HIGD1A: variants seen among roughly 807,000 people sequenced by gnomAD.
The protein encoded by HIGD1A is HIG1 hypoxia inducible domain family member 1A, also known as HIG1 domain family member 1A, mitochondrial.
In HIGD1A, 8 loss-of-function variants were observed where a neutral mutation model predicts 11.3. That is an observed-to-expected ratio of 0.71 (90% CI 0.42 to 1.28). The LOEUF (loss-of-function observed/expected upper bound fraction) is 1.28. Among genes scored for constraint, HIGD1A ranks in the 50% most tolerant of loss-of-function variants. The pLI is 0.01. For missense variants in HIGD1A, 107 were observed against 118.8 expected (o/e 0.90, Z 0.46); for synonymous variants, 32 against 38.4 (o/e 0.83, Z 0.62).
chr3:42,802,555 ACTGT>A (rs1188203036), intron 1 of HIGD1A, among the ~76,000 whole-genome samples: 4 of 152,244 alleles, frequency 2.6e-5, no homozygotes, highest in Non-Finnish European at 4.4e-5. Context: ...AATTTTGATA[ACTGT>A]CTAATTACCA....
At chr3:42,794,612 A>G (rs1700471772) in intron 1 of HIGD1A, among the ~76,000 whole-genome samples, 1 of 152,198 alleles carries the variant, frequency 6.6e-6, no homozygotes. Flanking sequence ...GGCTATCTTC[A>G]TCCTTAATCA....
At chr3:42,800,380 CT>C (rs1700541721) in intron 1 of HIGD1A, among the ~76,000 whole-genome samples, 1 of 151,788 alleles carries the variant, frequency 6.6e-6, no homozygotes, top group Non-Finnish European at 1.5e-5. Flanking sequence ...AAAACATGAC[CT>C]TCTCAAAGGG....
rs191947252 is a variant in HIGD1A at position 42,784,601 on chromosome 3, A to G, written c.*670T>C. The G allele has an allele frequency of 3.9e-5, 6 of 152,768 alleles. No individual in the cohort carries two copies. Among genetic ancestry groups the G allele is most frequent in the Admixed American group, 3.3e-4 (5 of 15,306 alleles). The allele number at this position is 152,768 out of a possible 1,614,324, so 9.5% of individuals were successfully genotyped here. On this transcript the variant is annotated 3_prime_UTR_variant, in exon 4 of 4. Coordinates refer to ENST00000321331, the MANE Select transcript of HIGD1A (RefSeq NM_014056.4). ...ATACATATTTCTATTTCAAGATGAC[A>G]TTTAAAAATTATTCTAATATATCAG...
intron 1 of HIGD1A, among the ~76,000 whole-genome samples, chr3:42,796,170 T>C (rs1273657276): frequency 6.6e-6 from 1 of 152,158 alleles, no homozygotes. Context: ...GTTTAGAAAG[T>C]GAATTCATCC....
At chr3:42,800,525 T>C (rs1700542946) in intron 1 of HIGD1A, among the ~76,000 whole-genome samples, 1 of 152,076 alleles carries the variant, frequency 6.6e-6, no homozygotes, top group African/African-American at 2.4e-5. Context: ...TTTCCCTCCC[T>C]TTCCATCCCC....
Position 42,794,177 on chromosome 3 carries a change from T to G in HIGD1A, c.77A>C (p.Glu26Ala). The change falls in exon 2 of 4, where the codon GAG becomes GCG. Residue 26 changes from glutamate to alanine, a missense_variant. Transcript: ENST00000321331. The stretch of plus-strand genomic sequence containing the variant: ...CTTACCAACGGGTACGAATGGTGCC[T>G]CTTTAGCTTTTCGAATGAGTTTTGA... ...QGSKLIRKAKEAPFVPVGIAG... is the reference protein window; with the variant it reads ...QGSKLIRKAKAAPFVPVGIAG... 6.2e-7 allele frequency: 1 copy of G among 1,605,184 alleles called. No individual in the cohort carries two copies. Among genetic ancestry groups the G allele is most frequent in the Non-Finnish European group, 8.5e-7 (1 of 1,177,370 alleles).
chr3:42,793,232 A>G (rs1315344359), intron 2 of HIGD1A, among the ~76,000 whole-genome samples: 1 of 152,150 alleles, frequency 6.6e-6, no homozygotes, highest in Non-Finnish European at 1.5e-5. Flanking sequence ...TATATACTAT[A>G]AATTTCACCT....
intron 1 of HIGD1A, among the ~76,000 whole-genome samples, chr3:42,795,050 A>AC (rs1700476932): frequency 6.6e-6 from 1 of 150,974 alleles, no homozygotes; most frequent in African/African-American, 2.4e-5. Context: ...GTGCAGTGGC[A>AC]CGATCTCGGC....
intron 2 of HIGD1A, among the ~76,000 whole-genome samples, chr3:42,788,532 T>C (rs912521862): frequency 7.6e-5 from 10 of 132,118 alleles, no homozygotes; most frequent in Admixed American, 6.5e-4. Context: ...TAGCAATACA[T>C]TTTTTTCCAA....
intron 2 of HIGD1A, among the ~76,000 whole-genome samples, chr3:42,790,389 C>A (rs1332521711): frequency 1.3e-5 from 2 of 152,116 alleles, no homozygotes; most frequent in African/African-American, 4.8e-5. Context: ...AAAAATTAGC[C>A]AGGTATGGTG....
At chr3:42,789,839 G>A (rs1231559934) in intron 2 of HIGD1A, among the ~76,000 whole-genome samples, 18 of 152,090 alleles carry the variant, frequency 1.2e-4, no homozygotes, top group Non-Finnish European at 2.9e-5. Context: ...TCCCATCTCA[G>A]CCTCCCAAGT....
chr3:42,802,951 G>A (rs969256845), intron 1 of HIGD1A, among the ~76,000 whole-genome samples: 1 of 152,168 alleles, frequency 6.6e-6, no homozygotes, highest in African/African-American at 2.4e-5. Flanking sequence ...TGTTCTCTTT[G>A]AATGATATAT....
chr3:42,789,970 C>T (rs1400404785), intron 2 of HIGD1A, among the ~76,000 whole-genome samples: 2 of 152,014 alleles, frequency 1.3e-5, no homozygotes, highest in Non-Finnish European at 2.9e-5. Context: ...GATCCTCCTG[C>T]CTCAGCCCCG....
At chr3:42,800,363 G>GA (rs1036515246) in intron 1 of HIGD1A, among the ~76,000 whole-genome samples, 106 of 135,714 alleles carry the variant, frequency 7.8e-4, no homozygotes, top group African/African-American at 2.3e-3. Context: ...AAAAGAAAAA[G>GA]AAAAAAAAAA....
At chr3:42,791,293 GA>G (rs1192447566) in intron 2 of HIGD1A, among the ~76,000 whole-genome samples, 3 of 152,086 alleles carry the variant, frequency 2.0e-5, no homozygotes, top group Non-Finnish European at 4.4e-5. Context: ...ACAACATAAG[GA>G]AATACAGGAA....
intron 1 of HIGD1A, chr3:42,804,047 G>A: frequency 9.6e-7 from 1 of 1,041,218 alleles, no homozygotes; most frequent in Non-Finnish European, 1.4e-6. Context: ...CCGCTCTTCA[G>A]AATGTTCCAA....
At chr3:42,803,010 CT>C (rs1700587600) in intron 1 of HIGD1A, among the ~76,000 whole-genome samples, 1 of 152,214 alleles carries the variant, frequency 6.6e-6, no homozygotes, top group Non-Finnish European at 1.5e-5. Flanking sequence ...AGTGACTTAA[CT>C]CATCTAACAA....
At chr3:42,800,065 G>A (rs930405922) in intron 1 of HIGD1A, among the ~76,000 whole-genome samples, 6 of 152,112 alleles carry the variant, frequency 3.9e-5, no homozygotes, top group African/African-American at 1.2e-4. Context: ...GGTGGCTCAT[G>A]CCTGTAATCC....
At chr3:42,796,263 T>C (rs2125593395) in intron 1 of HIGD1A, among the ~76,000 whole-genome samples, 1 of 152,300 alleles carries the variant, frequency 6.6e-6, no homozygotes, top group East Asian at 1.9e-4. Context: ...AAAATTTAGA[T>C]TGGACTTAAA....
Sources: gnomAD v4.1 joint callset for allele counts (sites outside exome capture counted in the v4.1 genomes callset) on GRCh38, gnomAD v4.1.1 for gene constraint, MANE v1.5 for transcripts, NCBI Gene and HGNC (gene_info 2026-07-23, HGNC 2026-07-21) for gene names.